EXOC3L2: variants seen among roughly 807,000 people sequenced by gnomAD.
EXOC3L2 encodes the protein exocyst complex component 3 like 2, also known as exocyst complex component 3-like protein 2.
EXOC3L2 carries 17 observed loss-of-function variants against 44.4 expected under a neutral mutation model. That is an observed-to-expected ratio of 0.38 (90% CI 0.26 to 0.57). The LOEUF (loss-of-function observed/expected upper bound fraction) is 0.57, where lower values mean the gene tolerates loss of function less well. EXOC3L2 is among the 20% of genes least tolerant of loss of function. EXOC3L2 has a pLI of 0.65. For missense variants in EXOC3L2, 541 were observed against 588.4 expected (o/e 0.92, Z 0.83); for synonymous variants, 256 against 253.7 (o/e 1.01, Z -0.09).
rs115530236 is a variant in EXOC3L2, at chr19:45,231,402, C to T, written c.1269+361G>A. Among the ~76,000 whole-genome samples the T allele has an allele frequency of 7.0e-3, 965 of 137,766 alleles. 13 individuals are homozygous for T. Among genetic ancestry groups the T allele is most frequent in the African/African-American group, 0.025 (916 of 36,754 alleles). 90.4% of individuals were successfully genotyped at this position (137,766 alleles called of 152,430 possible). On this transcript the variant is annotated intron_variant, in intron 4 of 11. Coordinates refer to ENST00000413988, the MANE Select transcript of EXOC3L2 (RefSeq NM_001382422.1). ...ACTGGAGAGGCTGAGGCAGGAGGAT[C>T]GCTTGAGTCCAGGAGGTCAATGCTC...
At chr19:45,225,105 C>G (rs1171445029) in intron 7 of EXOC3L2, among the ~76,000 whole-genome samples, 192 bp from the exon 8 acceptor site, 1 of 131,400 alleles carries the variant, frequency 7.6e-6, no homozygotes, top group Non-Finnish European at 1.6e-5. Context: ...ATTGGGGTGT[C>G]TGGGGACGTC....
chr19:45,234,326 G>A lies in EXOC3L2; in HGVS notation c.1024C>T (p.Leu342=), dbSNP rs942857514. The A allele has an allele frequency of 2.4e-5, 9 of 375,942 alleles. No individual in the cohort carries two copies. The highest frequency in any genetic ancestry group is 7.7e-5 in the East Asian group (2 of 25,966). 23.3% of individuals were successfully genotyped at this position (375,942 alleles called of 1,614,324 possible). A position where few individuals can be genotyped will look rare whatever the true frequency, so the allele number is the denominator to read the frequency against. ...CGCAGGTAGACGCCGAAGGCGCCCA[G>A]GCCGGCGGGGTAGGCGGGCGCCAGG... ...GRLAPAYPAG[L]GAFGVYLRGY... Residue 342 remains leucine, a synonymous_variant, in exon 3 of 12, where the codon CTG becomes TTG. Transcript: ENST00000413988. The surrounding 1 kb of genome is among the most constrained non-coding windows in gnomAD (Gnocchi z 5.0).
At chr19:45,239,441 C>G (rs1970112850) in intron 1 of EXOC3L2, among the ~76,000 whole-genome samples, 1 of 151,712 alleles carries the variant, frequency 6.6e-6, no homozygotes, top group Non-Finnish European at 1.5e-5. Context: ...TGGTCTCGAT[C>G]TCCTGACTTT....
At chr19:45,225,172 G>T (rs1290939057) in intron 7 of EXOC3L2, among the ~76,000 whole-genome samples, 1 of 149,032 alleles carries the variant, frequency 6.7e-6, no homozygotes, top group Non-Finnish European at 1.5e-5. Context: ...AGGGTATATT[G>T]GGGGAGGGAA....
At chr19:45,235,413 A>G (rs346746) in intron 2 of EXOC3L2, among the ~76,000 whole-genome samples, 61,012 of 151,714 alleles carry the variant, frequency 0.4, 12,904 homozygotes, top group African/African-American at 0.52. Flanking sequence ...GGAGGCGAGA[A>G]GGTTGAGAGA....
At chr19:45,224,364 T>A (rs10405194) in intron 8 of EXOC3L2, among the ~76,000 whole-genome samples, 12,652 of 152,018 alleles carry the variant, frequency 0.083, 697 homozygotes, top group African/African-American at 0.15. Context: ...GAGCTTGTGT[T>A]ACGGCCAGGA....
intron 11 of EXOC3L2, 122 bp from the exon 12 acceptor site, chr19:45,213,479 C>G: frequency 8.6e-7 from 1 of 1,166,564 alleles, no homozygotes; most frequent in Non-Finnish European, 1.2e-6. Flanking sequence ...TCTGGGGCCT[C>G]TGTGTCCCCT....
chr19:45,220,960 G>A (rs958705133), intron 8 of EXOC3L2, among the ~76,000 whole-genome samples: 1 of 151,724 alleles, frequency 6.6e-6, no homozygotes, highest in African/African-American at 2.4e-5. Context: ...CCACCTGTGG[G>A]GAGGGAAGGG....
intron 3 of EXOC3L2, 67 bp from the exon 4 acceptor site, chr19:45,231,941 A>T: frequency 1.0e-6 from 1 of 977,074 alleles, no homozygotes; most frequent in Non-Finnish European, 1.5e-6. Flanking sequence ...AACCTTCCCC[A>T]CACCCTCCTA....
intron 2 of EXOC3L2, among the ~76,000 whole-genome samples, chr19:45,235,239 G>A (rs1247480471): frequency 6.6e-6 from 1 of 152,132 alleles, no homozygotes; most frequent in Non-Finnish European, 1.5e-5. Context: ...AGGTTGCAGT[G>A]AGCCGAGATC....
rs890148655 is a variant in EXOC3L2 at position 45,239,037 on chromosome 19, G to C, written c.9C>G (p.Ile3Met). MP[I>M]LKNLGVSDPK... ...GGTCTGACACTCCCAGATTCTTCAG[G>C]ATAGGCATTTTGACAGGTGGGGACC... The change falls in exon 2 of 12, where the codon ATC becomes ATG. Residue 3 changes from isoleucine (I) to methionine (M), a missense_variant. Ile to Met is a conservative substitution (Grantham distance 10). Coordinates refer to ENST00000413988, the MANE Select transcript of EXOC3L2 (RefSeq NM_001382422.1). 3.0e-5 allele frequency: 12 copies of C among 398,974 alleles called. No homozygotes were observed. Among genetic ancestry groups the C allele is most frequent in the Admixed American group, 8.8e-5 (2 of 22,704 alleles). The allele number at this position is 398,974 out of a possible 1,614,324, so 24.7% of individuals were successfully genotyped here. A position where few individuals can be genotyped will look rare whatever the true frequency, so the allele number is the denominator to read the frequency against.
At chr19:45,243,628 T>C (rs1295225141) in intron 1 of EXOC3L2, among the ~76,000 whole-genome samples, 4 of 152,112 alleles carry the variant, frequency 2.6e-5, no homozygotes, top group Non-Finnish European at 5.9e-5. Flanking sequence ...TCATTTCTCT[T>C]CTATTTTATT....
rs1186880124 is a variant in EXOC3L2, at chr19:45,216,088, T to C, written c.2105A>G (p.Asp702Gly). 6.2e-7 allele frequency: 1 copy of C among 1,613,712 alleles called. No homozygotes were observed. The highest frequency in any genetic ancestry group is 2.2e-5 in the East Asian group (1 of 44,846). The change falls in exon 11 of 12, where the codon GAC (aspartate) becomes GGC (glycine). Residue 702 changes from aspartate (D) to glycine (G), a missense_variant. Transcript: ENST00000413988. The stretch of plus-strand genomic sequence containing the variant: ...GGTGTCTCACCTGATGTCTGGGTAG[T>C]CGCGCACCAACACTCCCACCTCCAC... Reference protein sequence around the residue: ...IQVEVGVLVRDYPDIRQKHVA... With the variant: ...IQVEVGVLVRGYPDIRQKHVA...
chr19:45,224,354 G>C (rs1969931634), intron 8 of EXOC3L2, among the ~76,000 whole-genome samples: 1 of 152,044 alleles, frequency 6.6e-6, no homozygotes. Context: ...AACATGGGTT[G>C]AGCTTGTGTT....
At chr19:45,230,644 C>T (rs536988634) in intron 4 of EXOC3L2, among the ~76,000 whole-genome samples, 19 of 152,142 alleles carry the variant, frequency 1.2e-4, no homozygotes, top group Non-Finnish European at 2.5e-4. Context: ...CCACCGCGCC[C>T]GGCCAAGGGT....
intron 2 of EXOC3L2, among the ~76,000 whole-genome samples, chr19:45,237,604 G>A (rs1042045179): frequency 2.6e-5 from 4 of 152,140 alleles, no homozygotes; most frequent in African/African-American, 9.7e-5. Context: ...AATAAGTGTG[G>A]GGTGAGAACA....
At chr19:45,215,558 T>C (rs1338151422) in intron 11 of EXOC3L2, among the ~76,000 whole-genome samples, 2 of 152,166 alleles carry the variant, frequency 1.3e-5, no homozygotes, top group Non-Finnish European at 2.9e-5. Context: ...ATTGTTACTA[T>C]AGTCATGGAT....
At position 45,212,910 on chromosome 19, in the gene EXOC3L2, T is replaced by G; in HGVS notation, c.*159A>C. The G allele has an allele frequency of 7.5e-6, 6 of 805,246 alleles. No homozygotes were observed. Among genetic ancestry groups the G allele is most frequent in the Non-Finnish European group, 8.9e-6 (5 of 561,804 alleles). 49.9% of individuals were successfully genotyped at this position (805,246 alleles called of 1,614,324 possible). On this transcript the variant is annotated 3_prime_UTR_variant, in exon 12 of 12. Transcript: ENST00000413988. ...CCACCGTGCCTGGCGTTTGTTTCCC[T>G]TCTGTACAGGGAGTTTGGGGTTGGG...
Position 45,212,898 on chromosome 19 carries a change from C to T in EXOC3L2, c.*171G>A, listed in dbSNP as rs114087746. ...TACAGGCATGAGCCACCGTGCCTGGCGTTTGTTTCCCTTCTGTACAGGGAG... is the reference window on the plus strand; with the variant it reads ...TACAGGCATGAGCCACCGTGCCTGGTGTTTGTTTCCCTTCTGTACAGGGAG... On this transcript the variant is annotated 3_prime_UTR_variant, in exon 12 of 12. Coordinates refer to ENST00000413988, the MANE Select transcript of EXOC3L2 (RefSeq NM_001382422.1). 4.6e-4 allele frequency: 317 copies of T among 685,542 alleles called. 1 individual carries two copies. The African/African-American group carries it at 5.4e-3, about 12-fold the overall frequency. 42.5% of individuals were successfully genotyped at this position (685,542 alleles called of 1,614,324 possible).
Sources: gnomAD v4.1 joint callset for allele counts (sites outside exome capture counted in the v4.1 genomes callset) on GRCh38, gnomAD v4.1.1 for gene constraint, Gnocchi (gnomAD v3.1) non-coding constraint, MANE v1.5 for transcripts, NCBI Gene and HGNC (gene_info 2026-07-23, HGNC 2026-07-21) for gene names.